ITSN2: variants seen among roughly 807,000 people sequenced by gnomAD.
ITSN2 encodes the protein intersectin-2.
Under a neutral mutation model 243.7 loss-of-function variants are expected in ITSN2, and 156 were observed. The observed-to-expected ratio is 0.64, with a 90% CI of 0.56 to 0.73. The LOEUF (loss-of-function observed/expected upper bound fraction) is 0.73. Ranked by LOEUF, ITSN2 falls within the 30% of genes least tolerant of loss-of-function variation. The pLI is 0.00. For synonymous variants in ITSN2, 703 were observed against 699.9 expected, an observed-to-expected ratio of 1.00 and a Z score of -0.07; for missense variants, 1,801 against 1,996.1, an observed-to-expected ratio of 0.90 and a Z score of 1.86.
chr2:24,261,461 C>G, intron 21 of ITSN2, 100 bp downstream of exon 21: 1 of 1,055,950 alleles, frequency 9.5e-7, no homozygotes, highest in Non-Finnish European at 1.4e-6. Flanking sequence ...GAGTACAACC[C>G]GGATTACACT....
chr2:24,293,846 TA>T, intron 14 of ITSN2, 71 bp from the exon 15 acceptor site: 2 of 485,846 alleles, frequency 4.1e-6, no homozygotes, highest in Non-Finnish European at 7.5e-6. Flanking sequence ...TTGAAAACTT[TA>T]AAACAGGATT....
rs1558554704 is a variant in ITSN2, at chr2:24,286,293, TC to T, written c.1781del (p.Arg594AsnfsTer6). 4 of 1,605,856 alleles carry T rather than the reference TC, an allele frequency of 2.5e-6. No individual in the cohort carries two copies. The highest frequency in any genetic ancestry group is 1.7e-6 in the Non-Finnish European group (2 of 1,172,826). ...CAAGAGCATCTAACTGTTCTTTAAGTCTTTGGCATAATTCTTCCTTTTCTAA... is the reference window on the plus strand; with the variant it reads ...CAAGAGCATCTAACTGTTCTTTAAGTTTTGGCATAATTCTTCCTTTTCTAA... The part of the protein sequence containing the change: ...KSLEKEELCQ[R>X]LKEQLDALEK... On this transcript the variant is annotated frameshift_variant, in exon 16 of 40. Coordinates refer to ENST00000355123, the MANE Select transcript of ITSN2 (RefSeq NM_006277.3). LOFTEE classifies it high-confidence loss of function.
In ITSN2 at chr2:24,203,068, A is replaced by G. The variant is rs1668492141; in HGVS notation, c.*558T>C. ...AGCTTTCCCACTTATACTCCAGACTATATTGTCTTAGCAGAGAGTGATAAA... is the reference window on the plus strand; with the variant it reads ...AGCTTTCCCACTTATACTCCAGACTGTATTGTCTTAGCAGAGAGTGATAAA... On this transcript the variant is annotated 3_prime_UTR_variant, in exon 40 of 40. Coordinates refer to ENST00000355123, the MANE Select transcript of ITSN2 (RefSeq NM_006277.3). 1 of 152,696 alleles carries G rather than the reference A, an allele frequency of 6.5e-6. No individual in the cohort carries two copies. The highest frequency in any genetic ancestry group is 6.5e-5 in the Admixed American group (1 of 15,284). The allele number at this position is 152,696 out of a possible 1,614,324, so 9.5% of individuals were successfully genotyped here.
intron 1 of ITSN2, chr2:24,330,331 G>A (rs1275418729): frequency 1.3e-5 from 6 of 461,998 alleles, no homozygotes; most frequent in African/African-American, 6.0e-5. Flanking sequence ...AACGAACCCC[G>A]GACTGACCAA....
chr2:24,323,808 T>A (rs1684849652), intron 2 of ITSN2, among the ~76,000 whole-genome samples: 1 of 152,120 alleles, frequency 6.6e-6, no homozygotes, highest in Admixed American at 6.6e-5. Flanking sequence ...TTCAACCCAA[T>A]CCCAGGGAAC....
At chr2:24,226,189 T>C (rs1284942702) in intron 29 of ITSN2, among the ~76,000 whole-genome samples, 1 of 152,190 alleles carries the variant, frequency 6.6e-6, no homozygotes, top group Non-Finnish European at 1.5e-5. Flanking sequence ...GGATAGAATA[T>C]TGTGTTGGTC....
rs570714046 is a variant in ITSN2, at chr2:24,210,761, T to C, written c.4257+19A>G. 6 of 1,610,846 alleles carry C rather than the reference T, an allele frequency of 3.7e-6. No homozygotes were observed. Among genetic ancestry groups the C allele is most frequent in the Non-Finnish European group, 4.2e-6 (5 of 1,178,344 alleles). On this transcript the variant is annotated intron_variant, in intron 34 of 39. Transcript: ENST00000355123. ...CAGAGCCTCCCTGGAGGCGCACGGC[T>C]TAACCACACAGGCCTGACCTCCGCG...
intron 31 of ITSN2, among the ~76,000 whole-genome samples, chr2:24,217,415 C>A (rs1051969560): frequency 6.6e-6 from 1 of 152,144 alleles, no homozygotes; most frequent in African/African-American, 2.4e-5. Context: ...GCTGCAGGGG[C>A]CAGGTGTGGA....
intron 1 of ITSN2, among the ~76,000 whole-genome samples, chr2:24,333,868 C>T (rs957265174): frequency 6.6e-6 from 1 of 152,022 alleles, no homozygotes; most frequent in African/African-American, 2.4e-5. Context: ...AGTGAAAAGT[C>T]GCTTAATTAA....
Position 24,300,055 on chromosome 2 carries a change from C to T in ITSN2, c.1198G>A (p.Glu400Lys). The change falls in exon 12 of 40, where the codon GAA (glutamate) becomes AAA (lysine). Residue 400 changes from glutamate to lysine, a missense_variant. By Grantham distance (56) the Glu-to-Lys change is moderately conservative (BLOSUM62 1). This residue lies in a region of ITSN2 where 787 missense variants were observed against 803.9 expected (regional missense o/e 0.98). Coordinates refer to ENST00000355123, the MANE Select transcript of ITSN2 (RefSeq NM_006277.3). ...TGTTTTCGTTCCCACTCTTCCTTTTCTTTCTGGGCTTTACGTTCTGCCTCC... is the reference window on the plus strand; with the variant it reads ...TGTTTTCGTTCCCACTCTTCCTTTTTTTTCTGGGCTTTACGTTCTGCCTCC... ...QREAERKAQK[E>K]KEEWERKQRE... The T allele has an allele frequency of 1.9e-6, 3 of 1,614,166 alleles. No individual in the cohort carries two copies. Among genetic ancestry groups the T allele is most frequent in the Non-Finnish European group, 2.5e-6 (3 of 1,180,038 alleles).
intron 20 of ITSN2, among the ~76,000 whole-genome samples, chr2:24,267,714 C>T (rs1676839457): frequency 6.6e-6 from 1 of 152,096 alleles, no homozygotes; most frequent in African/African-American, 2.4e-5. Flanking sequence ...ACCACCAAGC[C>T]CCGCTAATTT....
chr2:24,258,776 A>G (rs1282372286), intron 22 of ITSN2, among the ~76,000 whole-genome samples: 3 of 152,180 alleles, frequency 2.0e-5, no homozygotes, highest in Admixed American at 6.5e-5. Context: ...ATTTAGGTTC[A>G]GCACTCATCA....
At chr2:24,355,506 G>A (rs566107054) in intron 1 of ITSN2, among the ~76,000 whole-genome samples, 3 of 152,176 alleles carry the variant, frequency 2.0e-5, no homozygotes, top group African/African-American at 4.8e-5. Flanking sequence ...TCTGTAAATG[G>A]TGCTGGGAAA....
intron 39 of ITSN2, 136 bp from the exon 40 acceptor site, chr2:24,203,919 G>T: frequency 3.5e-6 from 3 of 869,410 alleles, no homozygotes; most frequent in Non-Finnish European, 3.5e-6. Flanking sequence ...GCTGTTGAAT[G>T]TCGTGAGTGG....
At chr2:24,308,997 C>T in intron 7 of ITSN2, 1 of 463,032 alleles carries the variant, frequency 2.2e-6, no homozygotes, top group Non-Finnish European at 4.3e-6. Flanking sequence ...GAGTGCAAAC[C>T]CTATTGTGAA....
chr2:24,222,080 G>A (rs775306165), intron 29 of ITSN2, among the ~76,000 whole-genome samples: 6 of 152,064 alleles, frequency 3.9e-5, no homozygotes, highest in South Asian at 2.1e-4. Context: ...GTGAAACCCC[G>A]TCTCTACTAA....
At chr2:24,354,634 C>A (rs1038034460) in intron 1 of ITSN2, among the ~76,000 whole-genome samples, 4 of 152,182 alleles carry the variant, frequency 2.6e-5, no homozygotes, top group Non-Finnish European at 5.9e-5. Flanking sequence ...ATTAAAGTAA[C>A]TTGCCCAAGA....
intron 1 of ITSN2, among the ~76,000 whole-genome samples, chr2:24,337,507 T>C (rs1220329801): frequency 2.0e-5 from 3 of 149,000 alleles, no homozygotes; most frequent in South Asian, 2.1e-4. Context: ...CGCACCACCA[T>C]GCCCAGCTAA....
chr2:24,324,347 G>C lies in ITSN2; in HGVS notation c.31+3705C>G, dbSNP rs76260057. Among the ~76,000 whole-genome samples, 178 of 152,112 alleles carry C rather than the reference G, an allele frequency of 1.2e-3. 4 individuals carry two copies. Among genetic ancestry groups the C allele is most frequent in the African/African-American group, 4.3e-3 (177 of 41,458 alleles). ...ACTCTACTGCTATCCTAAGACAAAA[G>C]AGAGTTCTGCTGCATCAAGATTGAT... On this transcript the variant is annotated intron_variant, in intron 2 of 39. Transcript: ENST00000355123.
Sources: allele counts gnomAD v4.1 joint callset (sites outside exome capture counted in the v4.1 genomes callset), GRCh38; gene constraint gnomAD v4.1.1; regional missense constraint gnomAD v4.1.1; transcripts MANE v1.5; gene names NCBI Gene and HGNC (gene_info 2026-07-23, HGNC 2026-07-21).